The following PGBD5 variants were observed in gnomAD, a reference collection of about 807,000 sequenced individuals.
The protein encoded by PGBD5 is piggyBac transposable element derived 5, also known as piggyBac transposable element-derived protein 5.
Under a neutral mutation model 47.9 loss-of-function variants are expected in PGBD5, and 14 were observed. The ratio of observed to expected loss-of-function variants is 0.29; its 90% CI spans 0.19 to 0.46. The LOEUF is 0.46. PGBD5 is among the 20% of genes least tolerant of loss of function. PGBD5 has a pLI of 1.00. For synonymous variants in PGBD5, 316 were observed against 306.3 expected (o/e 1.03, Z -0.33); for missense variants, 635 against 716.0 (o/e 0.89, Z 1.29).
chr1:230,342,073 G>T (rs1263617521), intron 3 of PGBD5, among the ~76,000 whole-genome samples: 1 of 152,126 alleles, frequency 6.6e-6, no homozygotes, highest in Non-Finnish European at 1.5e-5. Flanking sequence ...CAGCACATGG[G>T]ATTTATCTTA....
At position 230,315,862 on chromosome 1, in the gene PGBD5, A is replaced by G. The variant is rs1483204220; in HGVS notation, c.*7563T>C. On this transcript the variant is annotated 3_prime_UTR_variant, in exon 7 of 7. Coordinates refer to ENST00000391860, the MANE Select transcript of PGBD5 (RefSeq NM_001258311.2). ...TAGATGCATATCTGTATACATGTGT[A>G]TATATATACATATATGGATACATAC... 2 of 148,760 alleles carry G rather than the reference A, an allele frequency of 1.3e-5. No homozygotes were observed. Among genetic ancestry groups the G allele is most frequent in the Non-Finnish European group, 3.0e-5 (2 of 66,992 alleles). The allele number at this position is 148,760 out of a possible 1,614,324, so 9.2% of individuals were successfully genotyped here. A position where few individuals can be genotyped will look rare whatever the true frequency, so the allele number is the denominator to read the frequency against.
intron 3 of PGBD5, among the ~76,000 whole-genome samples, chr1:230,337,786 A>G (rs938813285): frequency 5.9e-5 from 9 of 152,134 alleles, no homozygotes; most frequent in African/African-American, 1.9e-4. Context: ...TGCAGAGGAG[A>G]CAGGACTGAG....
rs1460593853 is a variant in PGBD5 at position 230,317,792 on chromosome 1, T to C, written c.*5633A>G. 1 of 152,146 alleles carries C rather than the reference T, an allele frequency of 6.6e-6. No individual in the cohort carries two copies. The highest frequency in any genetic ancestry group is 1.5e-5 in the Non-Finnish European group (1 of 68,058). 9.4% of individuals were successfully genotyped at this position (152,146 alleles called of 1,614,324 possible). On this transcript the variant is annotated 3_prime_UTR_variant, in exon 7 of 7. Transcript: ENST00000391860. ...CCTCCCCGCCCTTTCTGTTTTCATCTCCAAATACATGCACACAAGGTCAAG... is the reference window on the plus strand; with the variant it reads ...CCTCCCCGCCCTTTCTGTTTTCATCCCCAAATACATGCACACAAGGTCAAG...
Position 230,320,505 on chromosome 1 carries a change from T to C in PGBD5, c.*2920A>G, listed in dbSNP as rs886279752. ...TGCAGCAGAGACATCCCTCAGGGGA[T>C]CGGCTTGGCTTAGTGGCTGGATCTG... On this transcript the variant is annotated 3_prime_UTR_variant, in exon 7 of 7. Transcript: ENST00000391860. 6.6e-6 allele frequency: 1 copy of C among 152,204 alleles called. No individual in the cohort carries two copies. The highest frequency in any genetic ancestry group is 2.4e-5 in the African/African-American group (1 of 41,432). The allele number at this position is 152,204 out of a possible 1,614,324, so 9.4% of individuals were successfully genotyped here. A position where few individuals can be genotyped will look rare whatever the true frequency, so the allele number is the denominator to read the frequency against.
rs1666908537 is a variant in PGBD5, at chr1:230,314,538, G to T, written c.*8887C>A. ...AAGGCAGTGACTGTAAACAAACTTGGTTGAAGAAATAAGAACCACATGACA... is the reference window on the plus strand; with the variant it reads ...AAGGCAGTGACTGTAAACAAACTTGTTTGAAGAAATAAGAACCACATGACA... On this transcript the variant is annotated 3_prime_UTR_variant, in exon 7 of 7. Coordinates refer to ENST00000391860, the MANE Select transcript of PGBD5 (RefSeq NM_001258311.2). 1 of 147,260 alleles carries T rather than the reference G, an allele frequency of 6.8e-6. No homozygotes were observed. Among genetic ancestry groups the T allele is most frequent in the Non-Finnish European group, 1.5e-5 (1 of 67,004 alleles). 9.1% of individuals were successfully genotyped at this position (147,260 alleles called of 1,614,324 possible). A position where few individuals can be genotyped will look rare whatever the true frequency, so the allele number is the denominator to read the frequency against.
intron 1 of PGBD5, among the ~76,000 whole-genome samples, chr1:230,395,758 A>C (rs889718657): frequency 7.2e-3 from 5 of 694 alleles, no homozygotes; most frequent in Non-Finnish European, 0.013. Context: ...CCTCACTCCC[A>C]CCCTCCTCCC....
At position 230,315,065 on chromosome 1, in the gene PGBD5, A is replaced by G. The variant is rs1666915200; in HGVS notation, c.*8360T>C. On this transcript the variant is annotated 3_prime_UTR_variant, in exon 7 of 7. Coordinates refer to ENST00000391860, the MANE Select transcript of PGBD5 (RefSeq NM_001258311.2). Reference sequence around the variant, plus strand: ...TTTTGGTTCCTTCTTCCTCCTAATTAAGCATCTGCCCAGGAGCCCAGGAGC... The same window carrying G: ...TTTTGGTTCCTTCTTCCTCCTAATTGAGCATCTGCCCAGGAGCCCAGGAGC... The G allele has an allele frequency of 6.6e-6, 1 of 151,988 alleles. No homozygotes were observed. Among genetic ancestry groups the G allele is most frequent in the South Asian group, 2.1e-4 (1 of 4,804 alleles). The allele number at this position is 151,988 out of a possible 1,614,324, so 9.4% of individuals were successfully genotyped here. A position where few individuals can be genotyped will look rare whatever the true frequency, so the allele number is the denominator to read the frequency against.
intron 1 of PGBD5, among the ~76,000 whole-genome samples, chr1:230,391,859 A>G (rs1656792539): frequency 6.6e-6 from 1 of 152,200 alleles, no homozygotes; most frequent in Non-Finnish European, 1.5e-5. Flanking sequence ...AACGAGCCCC[A>G]TGCTGCATTT....
At chr1:230,412,555 A>G (rs1272312216) in intron 1 of PGBD5, among the ~76,000 whole-genome samples, 2 of 151,764 alleles carry the variant, frequency 1.3e-5, no homozygotes, top group Non-Finnish European at 1.5e-5. Context: ...CACCTGGCTA[A>G]TTTTTTGTAT....
intron 5 of PGBD5, among the ~76,000 whole-genome samples, chr1:230,331,240 C>T (rs1481068349): frequency 6.6e-6 from 1 of 152,094 alleles, no homozygotes; most frequent in East Asian, 1.9e-4. Flanking sequence ...TAGTGAGACC[C>T]TGTCTCACAA....
At chr1:230,358,336 G>T (rs929560482) in intron 1 of PGBD5, among the ~76,000 whole-genome samples, 2 of 152,168 alleles carry the variant, frequency 1.3e-5, no homozygotes, top group Non-Finnish European at 2.9e-5. Flanking sequence ...TAACACAGGG[G>T]CATGGCTACG....
Position 230,425,850 on chromosome 1 carries a change from G to A in PGBD5, c.79C>T (p.His27Tyr). 1 of 1,200,026 alleles carries A rather than the reference G, an allele frequency of 8.3e-7. No individual in the cohort carries two copies. Among genetic ancestry groups the A allele is most frequent in the Non-Finnish European group, 1.0e-6 (1 of 967,952 alleles). 74.3% of individuals were successfully genotyped at this position (1,200,026 alleles called of 1,614,324 possible). ...TCGCCGAACACGTCGTCCGAGATGT[G>A]CAGGCTCTCGTAGCGCGCGCGGGCA... ...EAARARYESLHISDDVFGESG... is the reference protein window; with the variant it reads ...EAARARYESLYISDDVFGESG... The change falls in exon 1 of 7, where the codon CAC (histidine) becomes TAC (tyrosine). Residue 27 changes from histidine (H) to tyrosine (Y), a missense_variant. Physicochemically the swap from His to Tyr is moderately conservative, Grantham distance 83. Coordinates refer to ENST00000391860, the MANE Select transcript of PGBD5 (RefSeq NM_001258311.2). This position sits in a 1 kb window ranked among gnomAD's most constrained non-coding sequence, Gnocchi z 4.7.
In PGBD5 at chr1:230,426,042, C is replaced by T; in HGVS notation, c.-114G>A. 2 of 430,514 alleles carry T rather than the reference C, an allele frequency of 4.6e-6. No homozygotes were observed. Among genetic ancestry groups the T allele is most frequent in the Non-Finnish European group, 6.1e-6 (2 of 325,924 alleles). 26.7% of individuals were successfully genotyped at this position (430,514 alleles called of 1,614,324 possible). On this transcript the variant is annotated 5_prime_UTR_variant, in exon 1 of 7. Coordinates refer to ENST00000391860, the MANE Select transcript of PGBD5 (RefSeq NM_001258311.2). ...CCCACCAGCGCAGCCCGCAGCACAG[C>T]GCCCGCCGCCCCGTGCCCGGCCGGC...
intron 1 of PGBD5, among the ~76,000 whole-genome samples, chr1:230,404,041 T>C (rs4846959): frequency 0.08 from 12,180 of 152,152 alleles, 896 homozygotes; most frequent in East Asian, 0.27. Context: ...GGTGGGCACA[T>C]AGGATTCTTG....
At chr1:230,407,655 G>T (rs1035919753) in intron 1 of PGBD5, among the ~76,000 whole-genome samples, 1 of 151,946 alleles carries the variant, frequency 6.6e-6, no homozygotes, top group Non-Finnish European at 1.5e-5. Flanking sequence ...GTCTCCTCAG[G>T]GAAGACATCA....
At chr1:230,332,274 C>T (rs1375716726) in intron 5 of PGBD5, among the ~76,000 whole-genome samples, 1 of 152,186 alleles carries the variant, frequency 6.6e-6, no homozygotes, top group Non-Finnish European at 1.5e-5. Context: ...TTTGCAAGGG[C>T]CCCTTTGTCC....
chr1:230,405,112 G>C (rs1376144640), intron 1 of PGBD5, among the ~76,000 whole-genome samples: 2 of 150,766 alleles, frequency 1.3e-5, no homozygotes, highest in African/African-American at 4.9e-5. Context: ...GGAGAATGGC[G>C]TGAACCTGGG....
intron 1 of PGBD5, among the ~76,000 whole-genome samples, chr1:230,412,056 G>A (rs991300059): frequency 1.3e-5 from 2 of 152,150 alleles, no homozygotes; most frequent in Admixed American, 1.3e-4. Context: ...TCATGTATGA[G>A]CACCAAGTTT....
intron 1 of PGBD5, among the ~76,000 whole-genome samples, chr1:230,376,813 A>G (rs1206607519): frequency 6.6e-6 from 1 of 152,122 alleles, no homozygotes; most frequent in East Asian, 1.9e-4. Context: ...AAAAAAACTA[A>G]TTGCTTTCTC....
Sources: allele counts gnomAD v4.1 joint callset (sites outside exome capture counted in the v4.1 genomes callset), GRCh38; gene constraint gnomAD v4.1.1; non-coding constraint Gnocchi (gnomAD v3.1); transcripts MANE v1.5; gene names NCBI Gene and HGNC (gene_info 2026-07-23, HGNC 2026-07-21).